GSE1: variants seen among roughly 807,000 people sequenced by gnomAD.
The protein encoded by GSE1 is genetic suppressor element 1.
In GSE1, 32 loss-of-function variants were observed where a neutral mutation model predicts 112.6. The ratio of observed to expected loss-of-function variants is 0.28; its 90% CI spans 0.21 to 0.38. The LOEUF is 0.38. GSE1 is among the 10% of genes least tolerant of loss of function. The pLI, the probability that GSE1 is intolerant of heterozygous loss-of-function variation, is 1.00. For synonymous variants in GSE1, 1,115 were observed against 735.6 expected, an observed-to-expected ratio of 1.52 and a Z score of -8.35; for missense variants, 2,348 against 1,699.2, an observed-to-expected ratio of 1.38 and a Z score of -6.71.
At chr16:85,553,049 C>G (rs1027617414), upstream of GSE1, among the ~76,000 whole-genome samples, 5 of 149,924 alleles carry the variant, frequency 3.3e-5, no homozygotes, top group Admixed American at 3.3e-4. Context: ...AAATAGTTTT[C>G]TTTTTTTTTT....
At chr16:85,671,394 T>G (rs1015794457) in intron 15 of GSE1, among the ~76,000 whole-genome samples, 2 of 132,724 alleles carry the variant, frequency 1.5e-5, no homozygotes, top group African/African-American at 5.8e-5. Context: ...GAGCCGAGAT[T>G]GCGCCACTGC....
Position 85,665,204 on chromosome 16 carries a change from G to C in GSE1, c.2758+76G>C, listed in dbSNP as rs556675824. ...TGCCCAGGCTCAGAGGCGACCACTC[G>C]AGGTCTTCATCATTGTGAATGTGGC... On this transcript the variant is annotated intron_variant, in intron 12 of 15. Coordinates refer to ENST00000253458, the MANE Select transcript of GSE1 (RefSeq NM_014615.5). The C allele has an allele frequency of 1.3e-3, 1,042 of 800,726 alleles. 26 individuals carry two copies. In the South Asian group the frequency reaches 0.015, roughly 11 times the overall value. The allele number at this position is 800,726 out of a possible 1,614,324, so 49.6% of individuals were successfully genotyped here.
At position 85,471,316 on chromosome 16, in the gene GSE1, C is replaced by G. The variant is rs143768885; in HGVS notation, c.2464+113673C>G. On this transcript the variant is annotated intron_variant, in intron 2 of 2. Transcript: ENST00000637419. The stretch of plus-strand genomic sequence containing the variant: ...CATGTGAGGATTTCGTAGCTCCAAC[C>G]TCATTTAGTCACAGTTTAAGATGAA... Among the ~76,000 whole-genome samples the G allele has an allele frequency of 5.6e-3, 847 of 152,334 alleles. 11 individuals are homozygous for G. The highest frequency in any genetic ancestry group is 0.053 in the Admixed American group (805 of 15,300).
At chr16:85,220,089 T>G (rs371819206) in intron 1 of GSE1, among the ~76,000 whole-genome samples, 7 of 152,342 alleles carry the variant, frequency 4.6e-5, no homozygotes, top group East Asian at 3.9e-4. Flanking sequence ...TCCTTCTGGC[T>G]GGGGGGCCAG....
chr16:85,189,585 C>T (rs2074780822), intron 1 of GSE1, among the ~76,000 whole-genome samples: 1 of 152,222 alleles, frequency 6.6e-6, no homozygotes, highest in South Asian at 2.1e-4. Flanking sequence ...GACATCACTG[C>T]CAAAACAAAC....
intron 1 of GSE1, among the ~76,000 whole-genome samples, chr16:85,290,008 G>A (rs1472526303): frequency 1.3e-5 from 2 of 152,324 alleles, no homozygotes; most frequent in East Asian, 1.9e-4. Context: ...GCAGGTGGGT[G>A]TTAAGAAGGC....
chr16:85,220,552 C>T (rs1354669922), intron 1 of GSE1, among the ~76,000 whole-genome samples: 4 of 152,218 alleles, frequency 2.6e-5, no homozygotes, highest in Non-Finnish European at 5.9e-5. Context: ...TGACTTTGGT[C>T]GTCAAACCAC....
chr16:85,570,809 C>T (rs912419530), intron 1 of GSE1, among the ~76,000 whole-genome samples: 14 of 152,212 alleles, frequency 9.2e-5, no homozygotes, highest in Non-Finnish European at 2.9e-5. Context: ...TCACAGGATT[C>T]TCTCGAAGAC....
chr16:85,217,501 A>G (rs560337090), intron 1 of GSE1, among the ~76,000 whole-genome samples: 1 of 152,320 alleles, frequency 6.6e-6, no homozygotes, highest in South Asian at 2.1e-4. Flanking sequence ...TCTGAGTTTG[A>G]CCAGGGGGAT....
chr16:85,452,075 G>A (rs1445156907), intron 2 of GSE1, among the ~76,000 whole-genome samples: 1 of 152,066 alleles, frequency 6.6e-6, no homozygotes, highest in Non-Finnish European at 1.5e-5. Flanking sequence ...CATGGCTGAA[G>A]ATGCATCTTT....
At chr16:85,270,672 A>G (rs750737675) in intron 1 of GSE1, among the ~76,000 whole-genome samples, 17 of 140,838 alleles carry the variant, frequency 1.2e-4, no homozygotes, top group South Asian at 2.2e-4. Context: ...CCTTGAAGGA[A>G]ACACACACGA....
At chr16:85,241,158 CTTGGG>C (rs1265576345) in intron 1 of GSE1, among the ~76,000 whole-genome samples, 8 of 101,676 alleles carry the variant, frequency 7.9e-5, no homozygotes, top group Non-Finnish European at 1.7e-4. Context: ...GCTGCGTGAC[CTTGGG>C]CTCGGCTGCG....
chr16:85,434,342 A>ATCATCATC (rs60865079), intron 2 of GSE1, among the ~76,000 whole-genome samples: 5,366 of 126,162 alleles, frequency 0.043, 119 homozygotes, highest in African/African-American at 0.052. Flanking sequence ...TAATAATAAT[A>ATCATCATC]ATAATCAGTG....
chr16:85,672,495 G>C lies in GSE1; in HGVS notation c.3610G>C (p.Ala1204Pro). 1 of 1,612,966 alleles carries C rather than the reference G, an allele frequency of 6.2e-7. No individual in the cohort carries two copies. Among genetic ancestry groups the C allele is most frequent in the East Asian group, 2.2e-5 (1 of 44,864 alleles). ...CTTACGAAAGTGCCTTGCCTTGCCTGCAATGCACTGGCCTAGGGGCTACCT... is the reference window on the plus strand; with the variant it reads ...CTTACGAAAGTGCCTTGCCTTGCCTCCAATGCACTGGCCTAGGGGCTACCT... Reference protein sequence around the residue: ...DHLRKCLALPAMHWPRGYLKG... With the variant: ...DHLRKCLALPPMHWPRGYLKG... Residue 1204 changes from alanine (A) to proline (P), a missense_variant, in exon 16 of 16, where the codon GCA (alanine) becomes CCA (proline). Transcript: ENST00000253458.
chr16:85,602,408 C>A (rs1303184122), intron 1 of GSE1, among the ~76,000 whole-genome samples: 2 of 152,178 alleles, frequency 1.3e-5, no homozygotes, highest in African/African-American at 4.8e-5. Context: ...TTCTAAGGAT[C>A]CCTGGGAGGC....
intron 2 of GSE1, among the ~76,000 whole-genome samples, chr16:85,480,862 C>G (rs543609521): frequency 6.6e-6 from 1 of 152,338 alleles, no homozygotes; most frequent in Non-Finnish European, 1.5e-5. Flanking sequence ...GCTTGCCTCC[C>G]TGCACTCCTG....
intron 9 of GSE1, 117 bp downstream of exon 9, chr16:85,661,882 C>T (rs2052463975): frequency 9.7e-7 from 1 of 1,030,496 alleles, no homozygotes; most frequent in Admixed American, 3.0e-5. Context: ...CTGGGGTAGT[C>T]CCAGGCCCCA....
chr16:85,573,764 T>G (rs2046106874), intron 1 of GSE1, among the ~76,000 whole-genome samples: 3 of 152,202 alleles, frequency 2.0e-5, no homozygotes, highest in Admixed American at 1.3e-4. Flanking sequence ...CGGGAAGCAT[T>G]TCTCCTCCTC....
chr16:85,618,939 C>T (rs2048550842), intron 1 of GSE1, among the ~76,000 whole-genome samples: 1 of 152,244 alleles, frequency 6.6e-6, no homozygotes, highest in Non-Finnish European at 1.5e-5. Context: ...ACTGGAGTTA[C>T]AGGCATGAGC....
Sources: gnomAD v4.1 joint callset for allele counts (sites outside exome capture counted in the v4.1 genomes callset) on GRCh38, gnomAD v4.1.1 for gene constraint, MANE v1.5 for transcripts, NCBI Gene and HGNC (gene_info 2026-07-23, HGNC 2026-07-21) for gene names.